Variants in SHISA9 observed in about 807,000 individuals in gnomAD.
SHISA9 encodes the protein shisa family member 9.
A neutral mutation model predicts 38.0 loss-of-function variants in SHISA9; 13 were observed. The ratio of observed to expected loss-of-function variants is 0.34; its 90% CI spans 0.22 to 0.54. The LOEUF (loss-of-function observed/expected upper bound fraction) is 0.54, where lower values mean the gene tolerates loss of function less well. Ranked by LOEUF, SHISA9 falls within the 20% of genes least tolerant of loss-of-function variation. SHISA9 has a pLI of 0.91. For missense variants in SHISA9, 538 were observed against 575.8 expected, an observed-to-expected ratio of 0.93 and a Z score of 0.67; for synonymous variants, 275 against 242.0, an observed-to-expected ratio of 1.14 and a Z score of -1.27.
At chr16:12,916,589 A>T in intron 1 of SHISA9, 99 bp from the exon 2 acceptor site, 2 of 1,383,666 alleles carry the variant, frequency 1.4e-6, no homozygotes, top group Non-Finnish European at 1.9e-6. Context: ...CCATGGAGTA[A>T]TCCGCCTTGC....
At chr16:13,189,274 T>TA in intron 2 of SHISA9, among the ~76,000 whole-genome samples, 1 of 152,294 alleles carries the variant, frequency 6.6e-6, no homozygotes, top group African/African-American at 2.4e-5. Context: ...GTGGGCATGG[T>TA]AGAAGGAAGA....
chr16:13,155,239 G>T (rs2050533914), intron 2 of SHISA9, among the ~76,000 whole-genome samples: 1 of 152,170 alleles, frequency 6.6e-6, no homozygotes, highest in East Asian at 1.9e-4. Context: ...GAATGCAATA[G>T]ATTGGAGTGG....
chr16:13,482,032 C>T, the SHISA9 span, among the ~76,000 whole-genome samples: 1 of 152,316 alleles, frequency 6.6e-6, no homozygotes, highest in Admixed American at 6.5e-5. Flanking sequence ...AGCTGAATGT[C>T]TTCCACTGGC....
chr16:13,284,381 G>C, the SHISA9 span, among the ~76,000 whole-genome samples: 1 of 152,120 alleles, frequency 6.6e-6, no homozygotes, highest in African/African-American at 2.4e-5. Context: ...GACAAAAACA[G>C]AAGCATTAAC....
At chr16:12,998,524 A>G (rs2072486635) in intron 2 of SHISA9, among the ~76,000 whole-genome samples, 1 of 152,004 alleles carries the variant, frequency 6.6e-6, no homozygotes, top group African/African-American at 2.4e-5. Flanking sequence ...TAAATAAATC[A>G]CTTATTCTTA....
rs181794206 is a variant in SHISA9, at chr16:13,174,237, C to G, written c.692-29157C>G. ...ATTTTCATTATGGGGCCTTCTCATG[C>G]AACCATTTCCAGCCTCCTGTTTGTT... On this transcript the variant is annotated intron_variant, in intron 2 of 4. Transcript: ENST00000558583. Among the ~76,000 whole-genome samples, 3 of 152,296 alleles carry G rather than the reference C, an allele frequency of 2.0e-5. No individual in the cohort carries two copies. In the East Asian group the frequency reaches 5.8e-4, roughly 29 times the overall value.
the SHISA9 span, among the ~76,000 whole-genome samples, chr16:13,523,703 G>A: frequency 2.0e-5 from 3 of 152,204 alleles, no homozygotes; most frequent in African/African-American, 7.2e-5. Flanking sequence ...AAGGGGGATA[G>A]TGCTAAGCCA....
At chr16:13,119,647 C>G (rs1188252923) in intron 2 of SHISA9, among the ~76,000 whole-genome samples, 1 of 152,072 alleles carries the variant, frequency 6.6e-6, no homozygotes, top group Non-Finnish European at 1.5e-5. Context: ...ATAGTACCTC[C>G]CAAAAGATGT....
intron 2 of SHISA9, among the ~76,000 whole-genome samples, chr16:12,965,988 G>A (rs1030950064): frequency 6.6e-6 from 1 of 152,196 alleles, no homozygotes; most frequent in Non-Finnish European, 1.5e-5. Context: ...CCTGACCTTG[G>A]CTGTAGCATC....
At chr16:13,409,948 TG>T in the SHISA9 span, among the ~76,000 whole-genome samples, 2 of 151,940 alleles carry the variant, frequency 1.3e-5, no homozygotes, top group Non-Finnish European at 2.9e-5. Flanking sequence ...GTTGTGAGAA[TG>T]GGATGAATAC....
At chr16:13,489,529 T>C in the SHISA9 span, among the ~76,000 whole-genome samples, 6 of 152,192 alleles carry the variant, frequency 3.9e-5, no homozygotes, top group Non-Finnish European at 8.8e-5. Flanking sequence ...TGGGAGATAA[T>C]TGAATCATGG....
chr16:13,060,329 T>G (rs578257754), intron 2 of SHISA9, among the ~76,000 whole-genome samples: 1 of 152,228 alleles, frequency 6.6e-6, no homozygotes, highest in South Asian at 2.1e-4. Flanking sequence ...ATGCCTGCCT[T>G]TGGAAGGAGC....
At chr16:13,145,308 T>A (rs896016199) in intron 2 of SHISA9, among the ~76,000 whole-genome samples, 3 of 152,110 alleles carry the variant, frequency 2.0e-5, no homozygotes, top group African/African-American at 7.2e-5. Flanking sequence ...GTGGATCAGT[T>A]CAGGTCAGGA....
intron 1 of SHISA9, among the ~76,000 whole-genome samples, chr16:12,914,766 G>A (rs572995014): frequency 6.6e-6 from 1 of 152,270 alleles, no homozygotes; most frequent in East Asian, 1.9e-4. Flanking sequence ...GCCTTAGCAC[G>A]GTCTCAAATT....
At chr16:13,409,968 A>G in the SHISA9 span, among the ~76,000 whole-genome samples, 1 of 152,392 alleles carries the variant, frequency 6.6e-6, no homozygotes, top group Non-Finnish European at 1.5e-5. Context: ...ACATAATGTA[A>G]GTAAACTGCT....
chr16:12,904,040 G>T lies in SHISA9; in HGVS notation c.563+1413G>T, dbSNP rs563715358. Among the ~76,000 whole-genome samples the T allele has an allele frequency of 5.9e-5, 9 of 152,214 alleles. No homozygotes were observed. In the South Asian group the frequency reaches 1.2e-3, roughly 21 times the overall value. On this transcript the variant is annotated intron_variant, in intron 1 of 4. Coordinates refer to ENST00000558583, the MANE Select transcript of SHISA9 (RefSeq NM_001145204.3). ...AGCTGTGGGTGGATGGTGGGGTCTTGCTGCACAGAAGTAAGCTCCGAGGGG... is the reference window on the plus strand; with the variant it reads ...AGCTGTGGGTGGATGGTGGGGTCTTTCTGCACAGAAGTAAGCTCCGAGGGG...
chr16:13,430,056 A>G, the SHISA9 span, among the ~76,000 whole-genome samples: 1 of 152,196 alleles, frequency 6.6e-6, no homozygotes, highest in African/African-American at 2.4e-5. Flanking sequence ...ACACACCCAG[A>G]AGAAAGGCCA....
intron 2 of SHISA9, among the ~76,000 whole-genome samples, chr16:12,953,864 A>T (rs1438051168): frequency 3.3e-5 from 5 of 152,312 alleles, no homozygotes; most frequent in Admixed American, 6.5e-5. Flanking sequence ...ATAAGGTGGT[A>T]GGAGAGAAAG....
the SHISA9 span, among the ~76,000 whole-genome samples, chr16:13,287,683 C>A: frequency 1.8e-3 from 271 of 152,242 alleles, 4 homozygotes; most frequent in Non-Finnish European, 3.5e-3. Context: ...AGAGGAATAG[C>A]ATCATCAGGT....
Sources: gnomAD v4.1 joint callset for allele counts (sites outside exome capture counted in the v4.1 genomes callset) on GRCh38, gnomAD v4.1.1 for gene constraint, MANE v1.5 for transcripts, NCBI Gene and HGNC (gene_info 2026-07-23, HGNC 2026-07-21) for gene names.